CAP2: variants seen among roughly 807,000 people sequenced by gnomAD.
The protein encoded by CAP2 is adenylyl cyclase-associated protein 2.
A neutral mutation model predicts 57.7 loss-of-function variants in CAP2; 24 were observed. That is an observed-to-expected ratio of 0.42 (90% CI 0.30 to 0.58). The LOEUF is 0.58. Ranked by LOEUF, CAP2 falls within the 20% of genes least tolerant of loss-of-function variation. The probability of loss-of-function intolerance (pLI) is 0.22; values close to 1 mark genes in which losing one functional copy is unlikely to be tolerated. For synonymous variants in CAP2, 194 were observed against 207.2 expected (o/e 0.94, Z 0.55); for missense variants, 501 against 590.3 (o/e 0.85, Z 1.57).
At chr6:17,555,539 TTTA>T (rs535449833) in intron 12 of CAP2, among the ~76,000 whole-genome samples, 4 of 150,912 alleles carry the variant, frequency 2.7e-5, no homozygotes, top group South Asian at 2.1e-4. Context: ...GAATCTGCAT[TTTA>T]TTATTATTAT....
intron 3 of CAP2, among the ~76,000 whole-genome samples, chr6:17,439,145 G>GA (rs553091274): frequency 3.4e-5 from 5 of 149,124 alleles, no homozygotes; most frequent in Non-Finnish European, 5.9e-5. Context: ...AAGAGAGAGA[G>GA]AAAAAAAAGG....
chr6:17,453,285 T>C (rs1335979865), intron 3 of CAP2, among the ~76,000 whole-genome samples: 1 of 152,222 alleles, frequency 6.6e-6, no homozygotes, highest in East Asian at 1.9e-4. Context: ...GATGACTTTG[T>C]AGAACTTCTC....
chr6:17,488,810 G>A (rs191213523), intron 4 of CAP2, among the ~76,000 whole-genome samples: 65 of 152,302 alleles, frequency 4.3e-4, no homozygotes, highest in African/African-American at 1.5e-3. Flanking sequence ...ACTTGGTCTT[G>A]AATTATACCC....
intron 3 of CAP2, among the ~76,000 whole-genome samples, chr6:17,431,849 G>A (rs538122161): frequency 6.6e-6 from 1 of 152,114 alleles, no homozygotes; most frequent in Non-Finnish European, 1.5e-5. Context: ...GCATGAGGGA[G>A]CTATTCGGTT....
chr6:17,532,123 G>T, intron 7 of CAP2, among the ~76,000 whole-genome samples: 2 of 150,040 alleles, frequency 1.3e-5, no homozygotes, highest in African/African-American at 2.4e-5. Flanking sequence ...TCTATTGTTG[G>T]GTTTGAAAAT....
chr6:17,505,128 G>C (rs1761942709), intron 4 of CAP2, among the ~76,000 whole-genome samples: 1 of 152,120 alleles, frequency 6.6e-6, no homozygotes, highest in Non-Finnish European at 1.5e-5. Context: ...ATCTCCTGTA[G>C]CCTGTAGGTG....
intron 4 of CAP2, among the ~76,000 whole-genome samples, chr6:17,489,421 G>A (rs188703278): frequency 6.6e-6 from 1 of 152,280 alleles, no homozygotes; most frequent in African/African-American, 2.4e-5. Flanking sequence ...AACAGAGCAA[G>A]ACTCTGTCTC....
At chr6:17,437,846 G>A (rs1027095447) in intron 3 of CAP2, among the ~76,000 whole-genome samples, 2 of 151,878 alleles carry the variant, frequency 1.3e-5, no homozygotes, top group East Asian at 1.9e-4. Flanking sequence ...CACTGCACTC[G>A]GTCCAACCTG....
chr6:17,419,253 G>A (rs1249664753), intron 1 of CAP2, among the ~76,000 whole-genome samples: 1 of 152,184 alleles, frequency 6.6e-6, no homozygotes, highest in Non-Finnish European at 1.5e-5. Flanking sequence ...GTCCCCAGCA[G>A]AAACATAAAA....
chr6:17,502,524 T>C (rs1195767181), intron 4 of CAP2, among the ~76,000 whole-genome samples: 3 of 152,168 alleles, frequency 2.0e-5, no homozygotes, highest in Non-Finnish European at 4.4e-5. Context: ...TTTTTTTTAA[T>C]GATGACAATT....
At chr6:17,463,397 G>T (rs531859798) in intron 4 of CAP2, among the ~76,000 whole-genome samples, 1 of 152,084 alleles carries the variant, frequency 6.6e-6, no homozygotes, top group South Asian at 2.1e-4. Flanking sequence ...AGTTTAAAAG[G>T]TGAGTTGACT....
At chr6:17,421,523 C>T (rs567724811) in intron 1 of CAP2, 32 bp from the exon 2 acceptor site, 30 of 1,613,640 alleles carry the variant, frequency 1.9e-5, no homozygotes, top group South Asian at 1.5e-4. Flanking sequence ...CTGATGCTCA[C>T]GCAGCCTCCA....
intron 7 of CAP2, 135 bp downstream of exon 7, chr6:17,514,089 C>A: frequency 1.5e-6 from 1 of 650,330 alleles, no homozygotes; most frequent in South Asian, 1.9e-5. Flanking sequence ...GAGGGCCAGG[C>A]GCGGTGGCTC....
chr6:17,543,810 G>A (rs942968389), intron 11 of CAP2, among the ~76,000 whole-genome samples: 2 of 151,548 alleles, frequency 1.3e-5, no homozygotes, highest in Admixed American at 6.6e-5. Flanking sequence ...TTCCATTACT[G>A]GCATACCATC....
chr6:17,421,448 C>A (rs1359897277), intron 1 of CAP2, 107 bp from the exon 2 acceptor site: 5 of 1,063,638 alleles, frequency 4.7e-6, no homozygotes, highest in Admixed American at 1.9e-5. Flanking sequence ...ATAAAGCCAT[C>A]CCCAGTGATT....
At chr6:17,393,810 G>A (rs1758599390) in intron 1 of CAP2, 64 bp downstream of exon 1, 1 of 153,058 alleles carries the variant, frequency 6.5e-6, no homozygotes, top group Non-Finnish European at 1.5e-5. Context: ...TGCGGGGGGC[G>A]CCTGGCGGCG....
intron 4 of CAP2, among the ~76,000 whole-genome samples, chr6:17,488,924 G>A (rs1398795174): frequency 6.6e-6 from 1 of 152,132 alleles, no homozygotes; most frequent in East Asian, 1.9e-4. Context: ...GCAGAGTCAA[G>A]ACTAAAATCC....
chr6:17,422,658 T>C lies in CAP2; in HGVS notation c.121+982T>C, dbSNP rs991224750. On this transcript the variant is annotated intron_variant, in intron 2 of 12. Transcript: ENST00000229922. ...ACCACCATACCTGGCCAACCAAATA[T>C]GCTTTTAAAACTATATCCTAATACC... Among the ~76,000 whole-genome samples, 9 of 152,200 alleles carry C rather than the reference T, an allele frequency of 5.9e-5. No homozygotes were observed. In the South Asian group the frequency reaches 6.2e-4, roughly 11 times the overall value.
At chr6:17,445,838 T>C (rs1298271868) in intron 3 of CAP2, among the ~76,000 whole-genome samples, 1 of 152,196 alleles carries the variant, frequency 6.6e-6, no homozygotes, top group African/African-American at 2.4e-5. Flanking sequence ...TGGGCTCCCA[T>C]GGAAAGATAT....
Sources: gnomAD v4.1 joint callset for allele counts (sites outside exome capture counted in the v4.1 genomes callset) on GRCh38, gnomAD v4.1.1 for gene constraint, MANE v1.5 for transcripts, NCBI Gene and HGNC (gene_info 2026-07-23, HGNC 2026-07-21) for gene names.